Variants in NFRKB observed in about 807,000 individuals in gnomAD.
The protein encoded by NFRKB is nuclear factor related to kappa-B-binding protein.
NFRKB carries 62 observed loss-of-function variants against 135.7 expected under a neutral mutation model. The observed-to-expected ratio is 0.46, with a 90% CI of 0.37 to 0.56. The LOEUF (loss-of-function observed/expected upper bound fraction) is 0.56, where lower values mean the gene tolerates loss of function less well. NFRKB is among the 20% of genes least tolerant of loss of function. The probability of loss-of-function intolerance (pLI) is 0.00; values close to 1 mark genes in which losing one functional copy is unlikely to be tolerated. For missense variants in NFRKB, 1,545 were observed against 1,662.0 expected (o/e 0.93, Z 1.22); for synonymous variants, 678 against 635.6 (o/e 1.07, Z -1.00).
At position 129,876,863 on chromosome 11, in the gene NFRKB, C is replaced by A. The variant is rs138183118; in HGVS notation, c.1605G>T (p.Ala535=). 1.2e-6 allele frequency: 2 copies of A among 1,613,980 alleles called. No individual in the cohort carries two copies. Among genetic ancestry groups the A allele is most frequent in the South Asian group, 1.1e-5 (1 of 91,080 alleles). ...CAAAGCCGTGCATGCGAAAGGTGAA[C>A]GCCTTATGGGGTTGGCTATACCTGT... ...ERYRYSQPHK[A]FTFRMHGFES... The change falls in exon 17 of 27, where the codon GCG becomes GCT. Residue 535 remains alanine, a synonymous_variant. Transcript: ENST00000682444.
At chr11:129,894,583 C>T (rs776506053) in intron 1 of NFRKB, 145 bp from the exon 2 acceptor site, 2 of 152,192 alleles carry the variant, frequency 1.3e-5, no homozygotes, top group Non-Finnish European at 2.9e-5. Flanking sequence ...ATTTCAAGCT[C>T]CCTTGAAGAG....
chr11:129,881,415 G>T lies in NFRKB; in HGVS notation c.1384+28C>A, dbSNP rs759816782. ...GGAAGAAATGGGAGAACGAAAACCT[G>T]TTGGGGTAGGTAATACGGATCACTT... On this transcript the variant is annotated intron_variant, in intron 13 of 26. Coordinates refer to ENST00000682444, the MANE Select transcript of NFRKB (RefSeq NM_001143835.2). The T allele has an allele frequency of 2.5e-6, 4 of 1,609,592 alleles. No homozygotes were observed. The Admixed American group carries it at 5.0e-5, about 20-fold the overall frequency.
chr11:129,884,121 A>G lies in NFRKB; in HGVS notation c.765T>C (p.Ser255=), dbSNP rs1949159246. 1 of 1,614,170 alleles carries G rather than the reference A, an allele frequency of 6.2e-7. No individual in the cohort carries two copies. The highest frequency in any genetic ancestry group is 2.2e-5 in the East Asian group (1 of 44,886). Reference sequence around the variant, plus strand: ...GCTTCTTTAACATTATCTTCAGGTCACTGTCCCCCAGTTCTACTTTATCTG... The same window carrying G: ...GCTTCTTTAACATTATCTTCAGGTCGCTGTCCCCCAGTTCTACTTTATCTG... The part of the protein sequence containing the change: ...KTADKVELGD[S]DLKIMLKKHH... Residue 255 remains serine (S), a synonymous_variant, in exon 8 of 27, where the codon AGT becomes AGC. Coordinates refer to ENST00000682444, the MANE Select transcript of NFRKB (RefSeq NM_001143835.2).
intron 14 of NFRKB, 53 bp from the exon 15 acceptor site, chr11:129,878,408 C>CT (rs1457777989): frequency 1.4e-5 from 22 of 1,612,996 alleles, no homozygotes; most frequent in Non-Finnish European, 1.7e-5. Flanking sequence ...TTTGGGCAAA[C>CT]TTAAGAGCTC....
chr11:129,873,229 A>C (rs537156792), intron 22 of NFRKB, 133 bp from the exon 23 acceptor site: 1 of 690,650 alleles, frequency 1.4e-6, no homozygotes, highest in East Asian at 2.8e-5. Context: ...CTTAAGGCAC[A>C]CCACTCTCTA....
chr11:129,872,852 A>G, intron 23 of NFRKB, 32 bp downstream of exon 23: 2 of 1,559,878 alleles, frequency 1.3e-6, no homozygotes, highest in Non-Finnish European at 1.7e-6. Flanking sequence ...AGGATGAAGG[A>G]TTGAGATCCA....
chr11:129,882,160 T>C lies in NFRKB; in HGVS notation c.1117A>G (p.Asn373Asp), dbSNP rs867096183. Residue 373 changes from asparagine to aspartate, a missense_variant, in exon 11 of 27, where the codon AAT becomes GAT. Physicochemically the swap from Asn to Asp is conservative, Grantham distance 23 (BLOSUM62 1). Transcript: ENST00000682444. ...LEDLKPCLGINEISSSFFSLL... is the reference protein window; with the variant it reads ...LEDLKPCLGIDEISSSFFSLL... ...GAGAAGAAGCTGGAAGATATTTCAT[T>C]GATTCCAAGGCAAGGCTTGAGGTCT... 6.2e-7 allele frequency: 1 copy of C among 1,613,318 alleles called. No individual in the cohort carries two copies. Among genetic ancestry groups the C allele is most frequent in the African/African-American group, 1.3e-5 (1 of 74,956 alleles).
At chr11:129,892,613 A>G in intron 3 of NFRKB, 102 bp downstream of exon 3, 1 of 1,248,218 alleles carries the variant, frequency 8.0e-7, no homozygotes, top group Non-Finnish European at 1.1e-6. Context: ...AATGAACAAA[A>G]GGGAGCACAA....
At chr11:129,876,660 G>GTTA in intron 17 of NFRKB, 61 bp downstream of exon 17, 3 of 1,558,680 alleles carry the variant, frequency 1.9e-6, no homozygotes, top group South Asian at 1.2e-5. Context: ...GTTCAGAGTT[G>GTTA]GTAAGAGAAA....
chr11:129,867,875 T>C (rs1483630280), intron 24 of NFRKB, among the ~76,000 whole-genome samples: 1 of 152,186 alleles, frequency 6.6e-6, no homozygotes, highest in Non-Finnish European at 1.5e-5. Flanking sequence ...GGGGATTTGG[T>C]TTATGATAAA....
In NFRKB at chr11:129,876,788, G is replaced by A. The variant is rs1205653673; in HGVS notation, c.1680C>T (p.Leu560=). ...GCAGGGAGTGCTCCCGAGCCTTGTT[G>A]AGCGAGGTCTCCTTGTCAAACACGC... ...VKGVFDKETS[L]NKAREHSLLR... is the part of the protein sequence containing the mutation. Residue 560 remains leucine, a synonymous_variant, in exon 17 of 27, where the codon CTC becomes CTT. Transcript: ENST00000682444. The A allele has an allele frequency of 6.2e-7, 1 of 1,614,168 alleles. No individual in the cohort carries two copies. Among genetic ancestry groups the A allele is most frequent in the East Asian group, 2.2e-5 (1 of 44,868 alleles).
chr11:129,876,629 G>C (rs942087476), intron 17 of NFRKB, 92 bp downstream of exon 17: 1 of 1,374,948 alleles, frequency 7.3e-7, no homozygotes, highest in African/African-American at 1.5e-5. Flanking sequence ...ACCCTGGGTG[G>C]AGGGGTAAGG....
rs767867356 is a variant in NFRKB, at chr11:129,878,311, C to T, written c.1509G>A (p.Arg503=). Reference sequence around the variant, plus strand: ...CACCACTACAGTATTGTACTCACACCCGAGGGACAGGTGTTGTGGCATCTG... The same window carrying T: ...CACCACTACAGTATTGTACTCACACTCGAGGGACAGGTGTTGTGGCATCTG... ...DSSDATTPVP[R]VRTDYVVRPS... is the part of the protein sequence containing the mutation. The change falls in exon 15 of 27, where the codon CGG becomes CGA. Residue 503 remains arginine (R), a splice_region_variant and synonymous_variant. Transcript: ENST00000682444. The T allele has an allele frequency of 1.9e-5, 31 of 1,614,056 alleles. No individual in the cohort carries two copies. In the African/African-American group the frequency reaches 3.7e-4, roughly 19 times the overall value.
Position 129,881,288 on chromosome 11 carries a change from A to C in NFRKB, c.1384+155T>G, listed in dbSNP as rs1949013728. 2.0e-5 allele frequency among the ~76,000 whole-genome samples: 3 copies of C among 152,206 alleles called. No individual in the cohort carries two copies. In the South Asian group the frequency reaches 6.2e-4, roughly 32 times the overall value. ...AGTTAACCCACCTTGAGAGTACAAA[A>C]AGGGTGTTGAAGGACTCCTTCACAG... is the stretch of plus-strand genomic sequence containing the variant. On this transcript the variant is annotated intron_variant, in intron 13 of 26. Transcript: ENST00000682444.
chr11:129,881,309 C>T (rs918550503), intron 13 of NFRKB, 134 bp downstream of exon 13: 11 of 860,126 alleles, frequency 1.3e-5, no homozygotes, highest in Middle Eastern at 2.4e-4. Flanking sequence ...AGGACTCCTT[C>T]ACAGAGCAAA....
intron 13 of NFRKB, among the ~76,000 whole-genome samples, chr11:129,879,397 G>A (rs924741135): frequency 2.0e-4 from 31 of 152,068 alleles, no homozygotes; most frequent in Non-Finnish European, 3.4e-4. Flanking sequence ...GGCTACTGCA[G>A]CCTGACAGAT....
chr11:129,869,249 C>T (rs546660574), intron 24 of NFRKB, among the ~76,000 whole-genome samples: 79 of 152,264 alleles, frequency 5.2e-4, no homozygotes, highest in African/African-American at 1.6e-3. Flanking sequence ...AAGTATCATA[C>T]TTTGATAAAT....
chr11:129,882,258 G>A (rs1425500504), intron 10 of NFRKB, 64 bp from the exon 11 acceptor site: 4 of 1,456,700 alleles, frequency 2.7e-6, no homozygotes, highest in Non-Finnish European at 3.7e-6. Context: ...ATTGATTCAG[G>A]CGCCCAAGCC....
At chr11:129,882,764 C>A in intron 9 of NFRKB, 133 bp from the exon 10 acceptor site, 5 of 914,178 alleles carry the variant, frequency 5.5e-6, no homozygotes, top group Non-Finnish European at 6.7e-6. Context: ...CTCAATGAAA[C>A]CAAATTCATT....
Sources: gnomAD v4.1 joint callset for allele counts (sites outside exome capture counted in the v4.1 genomes callset) on GRCh38, gnomAD v4.1.1 for gene constraint, MANE v1.5 for transcripts, NCBI Gene and HGNC (gene_info 2026-07-23, HGNC 2026-07-21) for gene names.